Variants in RUSC2 observed in about 807,000 individuals in gnomAD.
RUSC2 encodes AP-4 complex accessory subunit RUSC2.
Under a neutral mutation model 122.2 loss-of-function variants are expected in RUSC2, and 34 were observed. The observed-to-expected ratio is 0.28, with a 90% CI of 0.21 to 0.37. RUSC2 has a LOEUF of 0.37. RUSC2 is among the 10% of genes least tolerant of loss of function. The pLI is 1.00. For missense variants in RUSC2, 1,747 were observed against 1,952.4 expected (o/e 0.89, Z 1.98); for synonymous variants, 784 against 790.0 (o/e 0.99, Z 0.13).
chr9:35,512,869 C>G (rs1821033363), intron 1 of RUSC2, among the ~76,000 whole-genome samples: 2 of 152,022 alleles, frequency 1.3e-5, no homozygotes, highest in African/African-American at 2.4e-5. Context: ...CTCTGGGCCC[C>G]TGGGAAATAA....
Position 35,555,394 on chromosome 9 carries a change from C to A in RUSC2, c.2349C>A (p.Ile783=). 1 of 1,614,258 alleles carries A rather than the reference C, an allele frequency of 6.2e-7. No individual in the cohort carries two copies. Among genetic ancestry groups the A allele is most frequent in the Non-Finnish European group, 8.5e-7 (1 of 1,180,042 alleles). Residue 783 remains isoleucine (I), a synonymous_variant, in exon 3 of 12, where the codon ATC becomes ATA. Coordinates refer to ENST00000361226, the MANE Select transcript of RUSC2 (RefSeq NM_014806.5). The surrounding 1 kb of genome is among the most constrained non-coding windows in gnomAD (Gnocchi z 4.6). ...CGCCCCTGGGCAGCTACTCCCCCAT[C>A]CGGAGTGTTGGCCCCTTTGGGCCCA... ...RPSPLGSYSP[I]RSVGPFGPST...
chr9:35,532,901 C>A (rs1295549687), intron 1 of RUSC2, among the ~76,000 whole-genome samples: 1 of 151,944 alleles, frequency 6.6e-6, no homozygotes, highest in Non-Finnish European at 1.5e-5. Flanking sequence ...GGTTAAGAAA[C>A]AATGAAGGAG....
intron 2 of RUSC2, among the ~76,000 whole-genome samples, chr9:35,550,159 G>A (rs941745030): frequency 4.0e-5 from 6 of 150,584 alleles, no homozygotes; most frequent in South Asian, 2.1e-4. Flanking sequence ...GCAGTGAGCC[G>A]AGATCACGCC....
intron 1 of RUSC2, among the ~76,000 whole-genome samples, chr9:35,501,928 A>T (rs1820824051): frequency 2.0e-5 from 3 of 152,164 alleles, no homozygotes; most frequent in Admixed American, 1.3e-4. Context: ...CTAGTTTATA[A>T]TATGAAAACA....
rs765658471 is a variant in RUSC2 at position 35,561,011 on chromosome 9, G to A, written c.4263G>A (p.Ala1421=). ...ACAAGTCCATGTTCCAACTAGTGGC[G>A]CAGACAGTGGGTTCCCGCCGGGAGC... ...SLDKSMFQLV[A]QTVGSRREPE... is the part of the protein sequence containing the mutation. Residue 1421 remains alanine, a synonymous_variant, in exon 11 of 12, where the codon GCG becomes GCA. Transcript: ENST00000361226. 4.0e-5 allele frequency: 64 copies of A among 1,614,068 alleles called. No homozygotes were observed. In the Admixed American group the frequency reaches 7.2e-4, roughly 18 times the overall value.
In RUSC2 at chr9:35,560,614, C is replaced by T; in HGVS notation, c.3974C>T (p.Ala1325Val). The T allele has an allele frequency of 6.2e-7, 1 of 1,609,974 alleles. No homozygotes were observed. The highest frequency in any genetic ancestry group is 1.7e-5 in the Admixed American group (1 of 59,374). ...CCCCGAGAGGGAGTAGTGGAGGGGG[C>T]TGAGGCCTGCCCTGCCTCTGAGGAG... ...PPPREGVVEG[A>V]EACPASEEAL... is the part of the protein sequence containing the mutation. Residue 1325 changes from alanine (A) to valine (V), a missense_variant, in exon 10 of 12, where the codon GCT (alanine) becomes GTT (valine). Transcript: ENST00000361226.
Position 35,546,823 on chromosome 9 carries a change from A to T in RUSC2, c.302A>T (p.Asn101Ile). ...GRGPGAPKRH[N>I]PFLLQEGVGE... ...GGCCCTGGAGCCCCCAAACGACACA[A>T]CCCCTTCTTGCTGCAGGAGGGTGTG... Residue 101 changes from asparagine to isoleucine, a missense_variant, in exon 2 of 12, where the codon AAC (asparagine) becomes ATC (isoleucine). Asn to Ile is a moderately radical substitution (Grantham distance 149). Transcript: ENST00000361226. The surrounding 1 kb of genome is among the most constrained non-coding windows in gnomAD (Gnocchi z 4.3). The T allele has an allele frequency of 6.2e-7, 1 of 1,611,988 alleles. No individual in the cohort carries two copies. The highest frequency in any genetic ancestry group is 8.5e-7 in the Non-Finnish European group (1 of 1,179,074).
chr9:35,494,923 T>C (rs1587831365), intron 1 of RUSC2, among the ~76,000 whole-genome samples: 1 of 132,576 alleles, frequency 7.5e-6, no homozygotes, highest in South Asian at 2.2e-4. Context: ...ATTATACATA[T>C]TATATAAAAT....
Position 35,555,523 on chromosome 9 carries a change from G to A in RUSC2, c.2478G>A (p.Arg826=), listed in dbSNP as rs748295925. ...GCCACTCCTGTCCTTCTGCTGTCCG[G>A]CCTGCCACCTCCCAGCAGCCGCAGA... ...PWSHSCPSAV[R]PATSQQPQKE... is the part of the protein sequence containing the mutation. Residue 826 remains arginine, a synonymous_variant, in exon 3 of 12, where the codon CGG becomes CGA. Coordinates refer to ENST00000361226, the MANE Select transcript of RUSC2 (RefSeq NM_014806.5). This position sits in a 1 kb window ranked among gnomAD's most constrained non-coding sequence, Gnocchi z 4.6. 4 of 1,614,150 alleles carry A rather than the reference G, an allele frequency of 2.5e-6. No homozygotes were observed. The highest frequency in any genetic ancestry group is 4.5e-5 in the East Asian group (2 of 44,888).
chr9:35,508,266 GC>G (rs1023358983), intron 1 of RUSC2, among the ~76,000 whole-genome samples: 123 of 152,310 alleles, frequency 8.1e-4, no homozygotes, highest in African/African-American at 2.9e-3. Context: ...GCTCTGGATT[GC>G]ATACCCTCCT....
chr9:35,502,051 C>CTTCT (rs1321809183), intron 1 of RUSC2, among the ~76,000 whole-genome samples: 1 of 152,154 alleles, frequency 6.6e-6, no homozygotes, highest in Non-Finnish European at 1.5e-5. Flanking sequence ...TTGTCCAATA[C>CTTCT]TTCTACACAT....
At chr9:35,543,464 AT>A (rs1266963581) in intron 1 of RUSC2, among the ~76,000 whole-genome samples, 1 of 152,184 alleles carries the variant, frequency 6.6e-6, no homozygotes, top group Non-Finnish European at 1.5e-5. Context: ...TAAAATGGGT[AT>A]TTATTACATA....
chr9:35,543,814 T>C (rs971310719), intron 1 of RUSC2, among the ~76,000 whole-genome samples: 5 of 152,224 alleles, frequency 3.3e-5, no homozygotes, highest in Non-Finnish European at 5.9e-5. Context: ...ATTCTGGACA[T>C]TTCATATAAA....
chr9:35,556,407 G>T lies in RUSC2; in HGVS notation c.2942G>T (p.Gly981Val). 1 of 1,614,208 alleles carries T rather than the reference G, an allele frequency of 6.2e-7. No individual in the cohort carries two copies. Among genetic ancestry groups the T allele is most frequent in the Non-Finnish European group, 8.5e-7 (1 of 1,180,048 alleles). ...PPAEFCLSPD[G>V]SSEAISIDLL... Reference sequence around the variant, plus strand: ...GCTGAGTTTTGTCTGTCCCCAGATGGCAGCTCAGAGGCCATTTCCATTGAC... The same window carrying T: ...GCTGAGTTTTGTCTGTCCCCAGATGTCAGCTCAGAGGCCATTTCCATTGAC... The change falls in exon 5 of 12, where the codon GGC (glycine) becomes GTC (valine). Residue 981 changes from glycine (G) to valine (V), a missense_variant. Coordinates refer to ENST00000361226, the MANE Select transcript of RUSC2 (RefSeq NM_014806.5).
At chr9:35,543,065 C>T (rs907780126) in intron 1 of RUSC2, among the ~76,000 whole-genome samples, 5 of 152,084 alleles carry the variant, frequency 3.3e-5, no homozygotes, top group African/African-American at 7.2e-5. Flanking sequence ...AGTCCAGACT[C>T]GGGATTATGG....
At chr9:35,506,544 C>G (rs1820920048) in intron 1 of RUSC2, among the ~76,000 whole-genome samples, 1 of 152,208 alleles carries the variant, frequency 6.6e-6, no homozygotes, top group Non-Finnish European at 1.5e-5. Flanking sequence ...AGGGTTTGAA[C>G]TGACATTAAG....
At chr9:35,505,732 T>C (rs1015752158) in intron 1 of RUSC2, among the ~76,000 whole-genome samples, 1 of 152,202 alleles carries the variant, frequency 6.6e-6, no homozygotes, top group African/African-American at 2.4e-5. Context: ...TTTAATACTG[T>C]AATGATTGTA....
chr9:35,552,771 G>A (rs1015827512), intron 2 of RUSC2, among the ~76,000 whole-genome samples: 2 of 152,160 alleles, frequency 1.3e-5, no homozygotes, highest in African/African-American at 4.8e-5. Context: ...GGGTGAATAC[G>A]GTCTCTGTCT....
intron 9 of RUSC2, among the ~76,000 whole-genome samples, chr9:35,559,546 G>GC (rs1164418950): frequency 1.3e-5 from 2 of 152,122 alleles, no homozygotes; most frequent in African/African-American, 2.4e-5. Flanking sequence ...ACTAGCCTGG[G>GC]CAACATGGTG....
Sources: gnomAD v4.1 joint callset for allele counts (sites outside exome capture counted in the v4.1 genomes callset) on GRCh38, gnomAD v4.1.1 for gene constraint, Gnocchi (gnomAD v3.1) non-coding constraint, MANE v1.5 for transcripts, NCBI Gene and HGNC (gene_info 2026-07-23, HGNC 2026-07-21) for gene names.